SYNE1: variants seen among roughly 807,000 people sequenced by gnomAD.
SYNE1 encodes the protein spectrin repeat containing nuclear envelope protein 1.
In SYNE1, 616 loss-of-function variants were observed where a neutral mutation model predicts 1,111.0. The ratio of observed to expected loss-of-function variants is 0.55; its 90% CI spans 0.52 to 0.59. The LOEUF (loss-of-function observed/expected upper bound fraction) is 0.59, where lower values mean the gene tolerates loss of function less well. SYNE1 is among the 20% of genes least tolerant of loss of function. The pLI is 0.00. For missense variants in SYNE1, 10,006 were observed against 10,417.0 expected (o/e 0.96, Z 1.72); for synonymous variants, 3,855 against 3,825.8 (o/e 1.01, Z -0.28).
In SYNE1 at chr6:152,330,790, G is replaced by A. The variant is rs377099959; in HGVS notation, c.13895C>T (p.Ser4632Leu). Residue 4632 changes from serine (S) to leucine (L), a missense_variant, in exon 78 of 146, where the codon TCG (serine) becomes TTG (leucine). Ser to Leu is a moderately radical substitution (Grantham distance 145). Around this residue, in one of 7 missense-constraint regions of SYNE1, gnomAD observed 4,955 missense variants for 5,017.2 expected, o/e 0.99. Coordinates refer to ENST00000367255, the MANE Select transcript of SYNE1 (RefSeq NM_182961.4). ...LQRTGQTILP[S>L]LNEVDHSYLS... ...GTAGGAATGATCGACTTCATTCAGC[G>A]ATGGTAATATGGTCTGCCCAGTTCT... 6.2e-6 allele frequency: 10 copies of A among 1,613,742 alleles called. No individual in the cohort carries two copies. Among genetic ancestry groups the A allele is most frequent in the South Asian group, 2.2e-5 (2 of 91,088 alleles).
chr6:152,236,384 A>C (rs1359626976), intron 109 of SYNE1, 81 bp from the exon 110 acceptor site: 9 of 1,003,662 alleles, frequency 9.0e-6, no homozygotes, highest in Non-Finnish European at 1.4e-5. Flanking sequence ...TGGTACCTAC[A>C]ATGTTCCCAT....
Position 152,344,493 on chromosome 6 carries a change from C to T in SYNE1, c.12079-266G>A, listed in dbSNP as rs9383617. Among the ~76,000 whole-genome samples, 85,395 of 152,058 alleles carry T rather than the reference C, an allele frequency of 0.56. 24,432 individuals carry two copies. The highest frequency in any genetic ancestry group is 0.64 in the East Asian group (3,313 of 5,162). On this transcript the variant is annotated intron_variant, in intron 73 of 145. Coordinates refer to ENST00000367255, the MANE Select transcript of SYNE1 (RefSeq NM_182961.4). The stretch of plus-strand genomic sequence containing the variant: ...AGAACATGAGCAGGGTAAATATAAC[C>T]GTAGAGGCATGCTAGAATACATAAA...
chr6:152,133,644 T>A, intron 142 of SYNE1, 156 bp from the exon 143 acceptor site: 1 of 748,118 alleles, frequency 1.3e-6, no homozygotes, highest in Non-Finnish European at 2.2e-6. Flanking sequence ...GCTCACGGCC[T>A]GAGTTCTAAT....
chr6:152,392,445 C>T (rs1335598486), intron 51 of SYNE1, among the ~76,000 whole-genome samples: 1 of 152,110 alleles, frequency 6.6e-6, no homozygotes, highest in East Asian at 1.9e-4. Flanking sequence ...CTTATCTGCA[C>T]ATTTACCAGG....
At chr6:152,606,487 C>A (rs2099615039) in intron 3 of SYNE1, among the ~76,000 whole-genome samples, 1 of 152,160 alleles carries the variant, frequency 6.6e-6, no homozygotes, top group Non-Finnish European at 1.5e-5. Context: ...AGTATCTGGA[C>A]CACAGGAGAT....
At chr6:152,581,849 G>C (rs2099520749) in intron 3 of SYNE1, among the ~76,000 whole-genome samples, 1 of 152,032 alleles carries the variant, frequency 6.6e-6, no homozygotes, top group Non-Finnish European at 1.5e-5. Context: ...ATCTATTCTT[G>C]TCTTCCCCAC....
In SYNE1 at chr6:152,385,775, C is replaced by T. The variant is rs371684437; in HGVS notation, c.8551G>A (p.Glu2851Lys). 8 of 1,613,944 alleles carry T rather than the reference C, an allele frequency of 5.0e-6. No homozygotes were observed. The highest frequency in any genetic ancestry group is 1.6e-4 in the Middle Eastern group (1 of 6,084). Residue 2851 changes from glutamate to lysine, a missense_variant, in exon 55 of 146, where the codon GAG becomes AAG. Physicochemically the swap from Glu to Lys is moderately conservative, Grantham distance 56. Around this residue, in one of 7 missense-constraint regions of SYNE1, gnomAD observed 4,955 missense variants for 5,017.2 expected, o/e 0.99. Transcript: ENST00000367255. ...DHLMYLDAVH[E>K]FTDWLHSAKE... ...GCTGAATGGAGCCAATCTGTGAACTCGTGGACCGCATCTAAATACATTAGA... is the reference window on the plus strand; with the variant it reads ...GCTGAATGGAGCCAATCTGTGAACTTGTGGACCGCATCTAAATACATTAGA...
At chr6:152,192,472 A>ATAT (rs1276977964) in intron 127 of SYNE1, among the ~76,000 whole-genome samples, 2 of 151,738 alleles carry the variant, frequency 1.3e-5, no homozygotes, top group African/African-American at 4.8e-5. Flanking sequence ...AATTAAATGT[A>ATAT]TATTATTATT....
In SYNE1 at chr6:152,344,151, A is replaced by G; in HGVS notation, c.12155T>C (p.Leu4052Pro). 1 of 1,614,246 alleles carries G rather than the reference A, an allele frequency of 6.2e-7. No homozygotes were observed. Among genetic ancestry groups the G allele is most frequent in the Non-Finnish European group, 8.5e-7 (1 of 1,180,038 alleles). ...QDTLQQCQAW[L>P]SAVQPDLEPS... is the part of the protein sequence containing the mutation. ...CTCTAAATCCGGCTGGACTGCAGAA[A>G]GCCAGGCCTGGCACTGCTGCAGGGT... Residue 4052 changes from leucine (L) to proline (P), a missense_variant, in exon 74 of 146, where the codon CTT becomes CCT. This residue lies in a region of SYNE1 where 4,955 missense variants were observed against 5,017.2 expected (regional missense o/e 0.99). Transcript: ENST00000367255.
rs1191265602 is a variant in SYNE1, at chr6:152,319,044, A to T, written c.16237-29T>A. On this transcript the variant is annotated intron_variant, in intron 84 of 145. Coordinates refer to ENST00000367255, the MANE Select transcript of SYNE1 (RefSeq NM_182961.4). ...AAAAAATCAGTAAGAACAGCAAAAC[A>T]AGCCATGGTTAAAAGTGAATAATAG... 1.9e-6 allele frequency: 3 copies of T among 1,613,326 alleles called. No individual in the cohort carries two copies. The African/African-American group carries it at 4.0e-5, about 22-fold the overall frequency.
In SYNE1 at chr6:152,596,266, G is replaced by GTTT. The variant is rs1480694776; in HGVS notation, c.67+31996_67+31998dup. On this transcript the variant is annotated intron_variant, in intron 3 of 145. Transcript: ENST00000367255. Reference sequence around the variant, plus strand: ...AAGTTATGATTACAGTTTTTTGTTTGTTTGTTTTTTTTTTTTTTTGAGATG... The same window carrying GTTT: ...AAGTTATGATTACAGTTTTTTGTTTGTTTTTTGTTTTTTTTTTTTTTTGAGATG... Among the ~76,000 whole-genome samples, 199 of 118,702 alleles carry GTTT rather than the reference G, an allele frequency of 1.7e-3. 7 individuals carry two copies. Among genetic ancestry groups the GTTT allele is most frequent in the African/African-American group, 7.7e-3 (192 of 25,036 alleles). 77.9% of individuals were successfully genotyped at this position (118,702 alleles called of 152,430 possible).
intron 3 of SYNE1, among the ~76,000 whole-genome samples, chr6:152,595,936 T>C (rs1406833803): frequency 6.6e-6 from 1 of 151,850 alleles, no homozygotes; most frequent in Non-Finnish European, 1.5e-5. Flanking sequence ...TGTCCTTACA[T>C]CTGCTTGTAC....
At chr6:152,595,103 G>A (rs183880867) in intron 3 of SYNE1, among the ~76,000 whole-genome samples, 13 of 151,994 alleles carry the variant, frequency 8.6e-5, no homozygotes, top group African/African-American at 3.1e-4. Context: ...GTTCCTTTGC[G>A]GTCTCCTGTC....
intron 107 of SYNE1, among the ~76,000 whole-genome samples, chr6:152,240,502 A>G (rs979785241): frequency 1.3e-5 from 2 of 152,162 alleles, no homozygotes; most frequent in African/African-American, 4.8e-5. Flanking sequence ...CCATCCTACT[A>G]ATGTTTTTGA....
chr6:152,576,133 A>G (rs930767457), intron 3 of SYNE1, among the ~76,000 whole-genome samples: 2 of 152,240 alleles, frequency 1.3e-5, no homozygotes, highest in African/African-American at 4.8e-5. Flanking sequence ...TGCTAATGTT[A>G]ACTCTAATCT....
chr6:152,602,310 C>T (rs1016371317), intron 3 of SYNE1, among the ~76,000 whole-genome samples: 2 of 152,102 alleles, frequency 1.3e-5, no homozygotes, highest in Admixed American at 6.5e-5. Context: ...AATTTGGACA[C>T]AGAAATACCC....
At chr6:152,395,138 T>C (rs551112723) in intron 51 of SYNE1, among the ~76,000 whole-genome samples, 7 of 152,114 alleles carry the variant, frequency 4.6e-5, no homozygotes, top group Non-Finnish European at 8.8e-5. Flanking sequence ...TGTGGTTTTC[T>C]TTCCTTCATA....
Position 152,231,448 on chromosome 6 carries a change from C to T in SYNE1, c.20982G>A (p.Glu6994=). The change falls in exon 114 of 146, where the codon GAG becomes GAA. Residue 6994 remains glutamate (E), a synonymous_variant. Transcript: ENST00000367255. ...AACTTTTATTCATTGCTCCAAGTTG[C>T]TCAGCAAAATCAGTCTTATCACTAC... is the stretch of plus-strand genomic sequence containing the variant. ...SKRSDKTDFA[E]QLGAMNKSWQ... is the part of the protein sequence containing the mutation. 1 of 1,614,126 alleles carries T rather than the reference C, an allele frequency of 6.2e-7. No homozygotes were observed. The highest frequency in any genetic ancestry group is 8.5e-7 in the Non-Finnish European group (1 of 1,180,024).
In SYNE1 at chr6:152,364,857, G is replaced by T; in HGVS notation, c.10135C>A (p.Arg3379Ser). ...TGTAGTTTCCCTCACCTTTTACAACGAATCCCTGCAGACAAAAGGGATGCC... is the reference window on the plus strand; with the variant it reads ...TGTAGTTTCCCTCACCTTTTACAACTAATCCCTGCAGACAAAAGGGATGCC... ...MWASLLSAGI[R>S]CKSQLEGALS... is the part of the protein sequence containing the mutation. Residue 3379 changes from arginine to serine, a missense_variant, in exon 63 of 146, where the codon CGT becomes AGT. This residue lies in a region of SYNE1 where 4,955 missense variants were observed against 5,017.2 expected (regional missense o/e 0.99). Coordinates refer to ENST00000367255, the MANE Select transcript of SYNE1 (RefSeq NM_182961.4). The T allele has an allele frequency of 6.2e-7, 1 of 1,614,050 alleles. No individual in the cohort carries two copies. Among genetic ancestry groups the T allele is most frequent in the East Asian group, 2.2e-5 (1 of 44,870 alleles).
Sources: allele counts gnomAD v4.1 joint callset (sites outside exome capture counted in the v4.1 genomes callset), GRCh38; gene constraint gnomAD v4.1.1; regional missense constraint gnomAD v4.1.1; transcripts MANE v1.5; gene names NCBI Gene and HGNC (gene_info 2026-07-23, HGNC 2026-07-21).